Variants in DAG1 observed in about 807,000 individuals in gnomAD.
DAG1 encodes dystroglycan 1, also known as dystroglycan 1 (dystrophin-associated glycoprotein 1).
DAG1 carries 8 observed loss-of-function variants against 46.1 expected under a neutral mutation model. The observed-to-expected ratio is 0.17, with a 90% CI of 0.10 to 0.31. DAG1 has a LOEUF of 0.31. DAG1 is among the 10% of genes least tolerant of loss of function. The pLI is 1.00. For missense variants in DAG1, 1,003 were observed against 1,189.9 expected (o/e 0.84, Z 2.31); for synonymous variants, 495 against 481.8 (o/e 1.03, Z -0.36).
rs141244612 is a variant in DAG1, at chr3:49,472,252, G to C, written c.-117+1819G>C. 6.0e-4 allele frequency among the ~76,000 whole-genome samples: 91 copies of C among 152,166 alleles called. No homozygotes were observed. The Middle Eastern group carries it at 0.014, about 23-fold the overall frequency. ...CAGAGGAGAGGTGGGGAGGGAGAAG[G>C]AGCCATCAGAAAAGAGAGACTGAAA... On this transcript the variant is annotated intron_variant, in intron 1 of 2. Transcript: ENST00000308775.
intron 1 of DAG1, among the ~76,000 whole-genome samples, chr3:49,489,066 G>A (rs1432854648): frequency 6.6e-6 from 1 of 151,272 alleles, no homozygotes; most frequent in Admixed American, 6.6e-5. Context: ...CTAGTGTGGT[G>A]TTGGAATTTA....
At chr3:49,505,145 C>T (rs2050570604) in intron 1 of DAG1, among the ~76,000 whole-genome samples, 1 of 151,938 alleles carries the variant, frequency 6.6e-6, no homozygotes, top group South Asian at 2.1e-4. Flanking sequence ...CCACACTTGG[C>T]TAATTTTTAA....
At chr3:49,512,359 C>T (rs563210382) in intron 2 of DAG1, among the ~76,000 whole-genome samples, 6 of 151,922 alleles carry the variant, frequency 3.9e-5, no homozygotes, top group African/African-American at 1.2e-4. Context: ...CACGTCACCA[C>T]GCCCAGCTAA....
rs57684297 is a variant in DAG1, at chr3:49,504,761, AT to A, written c.-116-5635del. ...AGGCGCCCGCTACCACGCCCAGCTA[AT>A]TTTTTTTTTTTTTTTTTTTTTTGTA... On this transcript the variant is annotated intron_variant, in intron 1 of 2. Coordinates refer to ENST00000308775, the MANE Select transcript of DAG1 (RefSeq NM_004393.6). 5.6e-3 allele frequency among the ~76,000 whole-genome samples: 501 copies of A among 89,902 alleles called. 2 individuals are homozygous for A. Among genetic ancestry groups the A allele is most frequent in the African/African-American group, 0.019 (427 of 22,906 alleles). 59.0% of individuals were successfully genotyped at this position (89,902 alleles called of 152,430 possible).
intron 1 of DAG1, among the ~76,000 whole-genome samples, chr3:49,486,704 T>C (rs951201209): frequency 1.3e-5 from 2 of 152,034 alleles, no homozygotes; most frequent in African/African-American, 4.8e-5. Context: ...GGTTTCACCC[T>C]GTTGGCCAGG....
At chr3:49,498,587 A>T (rs2050371724) in intron 1 of DAG1, among the ~76,000 whole-genome samples, 1 of 152,154 alleles carries the variant, frequency 6.6e-6, no homozygotes, top group Admixed American at 6.6e-5. Flanking sequence ...TGCTAGATTG[A>T]ACCTGAAGTG....
chr3:49,515,345 T>C (rs528266243), intron 2 of DAG1, among the ~76,000 whole-genome samples: 243 of 151,654 alleles, frequency 1.6e-3, no homozygotes, highest in Non-Finnish European at 2.1e-3. Flanking sequence ...TTAAATGTTA[T>C]GTGGGAATGT....
At chr3:49,491,677 T>C (rs993654677) in intron 1 of DAG1, among the ~76,000 whole-genome samples, 1 of 152,046 alleles carries the variant, frequency 6.6e-6, no homozygotes, top group Non-Finnish European at 1.5e-5. Context: ...GTGGTTTCAC[T>C]GTGTTAGTCA....
At chr3:49,529,550 C>T (rs1168996001) in intron 2 of DAG1, among the ~76,000 whole-genome samples, 1 of 152,128 alleles carries the variant, frequency 6.6e-6, no homozygotes, top group East Asian at 1.9e-4. Context: ...AGCTTTCCTG[C>T]CACAGGGAGG....
chr3:49,530,520 G>A (rs2051310022), intron 2 of DAG1, among the ~76,000 whole-genome samples: 1 of 152,154 alleles, frequency 6.6e-6, no homozygotes, highest in Admixed American at 6.5e-5. Context: ...TCAGTTCTTG[G>A]GAATGAGACA....
At chr3:49,508,828 C>T (rs568559927) in intron 1 of DAG1, among the ~76,000 whole-genome samples, 128 of 152,318 alleles carry the variant, frequency 8.4e-4, no homozygotes, top group African/African-American at 2.8e-3. Context: ...TGCACCCGCC[C>T]GCCAGGCCTC....
At chr3:49,514,183 G>C (rs1185430730) in intron 2 of DAG1, among the ~76,000 whole-genome samples, 1 of 152,158 alleles carries the variant, frequency 6.6e-6, no homozygotes, top group Non-Finnish European at 1.5e-5. Flanking sequence ...ATATGGGTTG[G>C]GGAGTCAGAA....
rs188360938 is a variant in DAG1, at chr3:49,533,196, T to A, written c.2685T>A (p.Pro895=). ...GGTCACCTCCTCCCTATGTCCCACC[T>A]TAACCCGCAAGCGCCTGGGTGGAGG... The part of the protein sequence containing the change: ...PYRSPPPYVP[P] Residue 895 remains proline (P), a synonymous_variant, in exon 3 of 3, where the codon CCT becomes CCA. Transcript: ENST00000308775. 6.2e-7 allele frequency: 1 copy of A among 1,612,496 alleles called. No homozygotes were observed. Among genetic ancestry groups the A allele is most frequent in the Admixed American group, 1.7e-5 (1 of 60,024 alleles).
In DAG1 at chr3:49,533,531, C is replaced by A; in HGVS notation, c.*332C>A. ...GGGAGCGAGGAACCATGAATGAACT[C>A]GCAGGCAGTGCCGGGCGGCCCCCTG... On this transcript the variant is annotated 3_prime_UTR_variant, in exon 3 of 3. Coordinates refer to ENST00000308775, the MANE Select transcript of DAG1 (RefSeq NM_004393.6). 1.9e-6 allele frequency: 1 copy of A among 531,222 alleles called. No homozygotes were observed. Among genetic ancestry groups the A allele is most frequent in the Non-Finnish European group, 3.5e-6 (1 of 282,192 alleles). 32.9% of individuals were successfully genotyped at this position (531,222 alleles called of 1,614,324 possible).
intron 1 of DAG1, among the ~76,000 whole-genome samples, chr3:49,488,287 A>G (rs749070234): frequency 3.3e-5 from 5 of 152,182 alleles, no homozygotes; most frequent in African/African-American, 1.2e-4. Flanking sequence ...GAGTTTGACA[A>G]TACTTAAATG....
intron 2 of DAG1, among the ~76,000 whole-genome samples, chr3:49,528,271 T>G (rs7645603): frequency 2.2e-5 from 3 of 133,588 alleles, no homozygotes; most frequent in Admixed American, 9.3e-5. Context: ...TTTGAAATAG[T>G]GTGATTTTTT....
chr3:49,491,745 G>A (rs2107336911), intron 1 of DAG1, among the ~76,000 whole-genome samples: 1 of 152,178 alleles, frequency 6.6e-6, no homozygotes, highest in Non-Finnish European at 1.5e-5. Context: ...CAAAGTGCTA[G>A]GATTACAGGC....
chr3:49,512,841 A>G (rs2050799937), intron 2 of DAG1, among the ~76,000 whole-genome samples: 2 of 151,416 alleles, frequency 1.3e-5, no homozygotes, highest in South Asian at 4.2e-4. Context: ...AATTTTTTTT[A>G]GATAGGGTCT....
chr3:49,491,359 T>A (rs2050178124), intron 1 of DAG1, among the ~76,000 whole-genome samples: 1 of 151,208 alleles, frequency 6.6e-6, no homozygotes, highest in African/African-American at 2.4e-5. Context: ...TCGCCCAGGT[T>A]GGAATGCAGT....
Sources: gnomAD v4.1 joint callset for allele counts (sites outside exome capture counted in the v4.1 genomes callset) on GRCh38, gnomAD v4.1.1 for gene constraint, MANE v1.5 for transcripts, NCBI Gene and HGNC (gene_info 2026-07-23, HGNC 2026-07-21) for gene names.